The following TOM1L2 variants were observed in gnomAD, a reference collection of about 807,000 sequenced individuals.
TOM1L2 encodes TOM1-like protein 2.
A neutral mutation model predicts 67.9 loss-of-function variants in TOM1L2; 31 were observed. The ratio of observed to expected loss-of-function variants is 0.46; its 90% CI spans 0.34 to 0.62. The LOEUF (loss-of-function observed/expected upper bound fraction) is 0.62. Ranked by LOEUF, TOM1L2 falls within the 20% of genes least tolerant of loss-of-function variation. The pLI is 0.01. For synonymous variants in TOM1L2, 256 were observed against 254.0 expected (o/e 1.01, Z -0.07); for missense variants, 606 against 663.5 (o/e 0.91, Z 0.95).
chr17:17,851,112 G>A (rs1231693642), intron 12 of TOM1L2, 160 bp from the exon 13 acceptor site: 1 of 693,844 alleles, frequency 1.4e-6, no homozygotes, highest in East Asian at 2.8e-5. Flanking sequence ...GGGCAACACA[G>A]GGCAGCCACG....
chr17:17,965,042 T>G, intron 1 of TOM1L2, among the ~76,000 whole-genome samples: 1 of 152,292 alleles, frequency 6.6e-6, no homozygotes, highest in East Asian at 1.9e-4. Context: ...GGGGGCTTCA[T>G]AGACAGTGTC....
intron 1 of TOM1L2, among the ~76,000 whole-genome samples, chr17:17,929,357 C>G (rs1244649123): frequency 1.3e-5 from 2 of 152,134 alleles, no homozygotes; most frequent in Admixed American, 6.5e-5. Flanking sequence ...AATGTCAGAG[C>G]CTGGGCGTGG....
chr17:17,916,286 G>C (rs1359766835), intron 1 of TOM1L2, among the ~76,000 whole-genome samples: 2 of 152,070 alleles, frequency 1.3e-5, no homozygotes, highest in East Asian at 1.9e-4. Flanking sequence ...TGTTAGCCAG[G>C]ATGGTCTCGA....
At chr17:17,924,093 C>T (rs1421882217) in intron 1 of TOM1L2, among the ~76,000 whole-genome samples, 4 of 152,066 alleles carry the variant, frequency 2.6e-5, no homozygotes, top group Non-Finnish European at 4.4e-5. Flanking sequence ...GCCGAGATCG[C>T]GCCACTGCAC....
rs528243007 is a variant in TOM1L2 at position 17,879,513 on chromosome 17, A to G, written c.777+114T>C. The G allele has an allele frequency of 7.5e-6, 6 of 798,102 alleles. No homozygotes were observed. In the Admixed American group the frequency reaches 9.2e-5, roughly 12 times the overall value. 49.4% of individuals were successfully genotyped at this position (798,102 alleles called of 1,614,324 possible). On this transcript the variant is annotated intron_variant, in intron 7 of 14. Coordinates refer to ENST00000379504, the MANE Select transcript of TOM1L2 (RefSeq NM_001082968.2). ...TGTGTGCTCACATGGACTATCAACA[A>G]CAGGGCCACTGGACCTGTCCCGCCT...
At chr17:17,937,792 T>C (rs1339062935) in intron 1 of TOM1L2, among the ~76,000 whole-genome samples, 1 of 152,132 alleles carries the variant, frequency 6.6e-6, no homozygotes, top group African/African-American at 2.4e-5. Context: ...CAAAGTACAT[T>C]TGAGAGAGCT....
chr17:17,950,242 C>T (rs1015081454), intron 1 of TOM1L2, among the ~76,000 whole-genome samples: 2 of 152,144 alleles, frequency 1.3e-5, no homozygotes, highest in Non-Finnish European at 2.9e-5. Context: ...CTGCAACCTC[C>T]ACCTCCTGGG....
In TOM1L2 at chr17:17,848,804, G is replaced by A. The variant is rs375692980; in HGVS notation, c.1375+19C>T. 9.9e-6 allele frequency: 16 copies of A among 1,613,760 alleles called. 1 individual carries two copies. In the South Asian group the frequency reaches 1.2e-4, roughly 12 times the overall value. On this transcript the variant is annotated intron_variant, in intron 14 of 14. Coordinates refer to ENST00000379504, the MANE Select transcript of TOM1L2 (RefSeq NM_001082968.2). ...AGAGGCAACAAAAGGGGGCTGTAAG[G>A]CCACTGGCCAGGCCATACCTTCACT...
At chr17:17,865,769 GTGTCT>G (rs1364048624) in intron 10 of TOM1L2, among the ~76,000 whole-genome samples, 1 of 110,968 alleles carries the variant, frequency 9.0e-6, no homozygotes, top group South Asian at 2.7e-4. Flanking sequence ...TTTTGAGACA[GTGTCT>G]TGCTCTGTCG....
At chr17:17,934,703 A>G (rs577126265) in intron 1 of TOM1L2, among the ~76,000 whole-genome samples, 1 of 152,362 alleles carries the variant, frequency 6.6e-6, no homozygotes, top group African/African-American at 2.4e-5. Flanking sequence ...ACAATATGCG[A>G]TATTTCATCT....
intron 1 of TOM1L2, among the ~76,000 whole-genome samples, chr17:17,960,183 C>T (rs373621717): frequency 1.1e-4 from 17 of 152,304 alleles, no homozygotes; most frequent in Middle Eastern, 6.8e-3. Flanking sequence ...TTTTCAGCTA[C>T]CAAGTTCATT....
chr17:17,863,795 C>T (rs1334893761), intron 10 of TOM1L2, among the ~76,000 whole-genome samples: 3 of 147,724 alleles, frequency 2.0e-5, no homozygotes, highest in Non-Finnish European at 4.5e-5. Flanking sequence ...GTGATCTTCC[C>T]ACCTCGGCCT....
chr17:17,897,652 T>C (rs1248061051), intron 3 of TOM1L2, among the ~76,000 whole-genome samples: 1 of 152,222 alleles, frequency 6.6e-6, no homozygotes, highest in African/African-American at 2.4e-5. Flanking sequence ...AAAAAATCAC[T>C]TGGCTGACTT....
rs1284349361 is a variant in TOM1L2, at chr17:17,865,132, A to G, written c.1084+1164T>C. ...GTCATATACACACTTTGAATGTACA[A>G]ACTAAATGAACTGTGGAAAGTGGTG... On this transcript the variant is annotated intron_variant, in intron 10 of 14. Transcript: ENST00000379504. 2.6e-5 allele frequency among the ~76,000 whole-genome samples: 4 copies of G among 152,248 alleles called. No individual in the cohort carries two copies. In the East Asian group the frequency reaches 7.7e-4, roughly 29 times the overall value.
Position 17,874,650 on chromosome 17 carries a change from A to G in TOM1L2, c.777+4977T>C, listed in dbSNP as rs139614444. Among the ~76,000 whole-genome samples, 32 of 152,334 alleles carry G rather than the reference A, an allele frequency of 2.1e-4. No homozygotes were observed. The East Asian group carries it at 3.3e-3, about 16-fold the overall frequency. On this transcript the variant is annotated intron_variant, in intron 7 of 14. Coordinates refer to ENST00000379504, the MANE Select transcript of TOM1L2 (RefSeq NM_001082968.2). ...CATTGTGACCTCAGCTTGGAGGAAG[A>G]ATGAGCCCCAAGGGCACAGAATGCA... is the stretch of plus-strand genomic sequence containing the variant.
At chr17:17,958,277 C>T (rs2041547121) in intron 1 of TOM1L2, among the ~76,000 whole-genome samples, 1 of 152,148 alleles carries the variant, frequency 6.6e-6, no homozygotes, top group South Asian at 2.1e-4. Flanking sequence ...AAATCAGCAG[C>T]AGAGCAGTGA....
chr17:17,970,067 T>C (rs1301106220), intron 1 of TOM1L2, among the ~76,000 whole-genome samples: 1 of 152,132 alleles, frequency 6.6e-6, no homozygotes, highest in Non-Finnish European at 1.5e-5. Flanking sequence ...TGTTTGTTTG[T>C]TTTTTGAGAC....
Position 17,906,131 on chromosome 17 carries a change from CAT to C in TOM1L2, c.137+1314_137+1315del, listed in dbSNP as rs778866096. Among the ~76,000 whole-genome samples the C allele has an allele frequency of 7.4e-4, 109 of 147,162 alleles. 1 individual carries two copies. Among genetic ancestry groups the C allele is most frequent in the East Asian group, 1.4e-3 (7 of 4,924 alleles). On this transcript the variant is annotated intron_variant, in intron 2 of 14. Transcript: ENST00000379504. ...TTTCTGTTGTTTTGTCTTCTCTTTT[CAT>C]TTTTTTTTTTTTTGAGACAGGGTTT...
intron 1 of TOM1L2, among the ~76,000 whole-genome samples, chr17:17,933,656 C>T (rs1484486851): frequency 6.6e-6 from 1 of 152,132 alleles, no homozygotes; most frequent in Non-Finnish European, 1.5e-5. Context: ...CTAGATCTGG[C>T]TTTAAAATGT....
Sources: allele counts gnomAD v4.1 joint callset (sites outside exome capture counted in the v4.1 genomes callset), GRCh38; gene constraint gnomAD v4.1.1; transcripts MANE v1.5; gene names NCBI Gene and HGNC (gene_info 2026-07-23, HGNC 2026-07-21).